KIF18B: variants seen among roughly 807,000 people sequenced by gnomAD.
KIF18B encodes the protein kinesin-like protein KIF18B.
A neutral mutation model predicts 80.9 loss-of-function variants in KIF18B; 49 were observed. That is an observed-to-expected ratio of 0.61 (90% CI 0.48 to 0.77). The LOEUF (loss-of-function observed/expected upper bound fraction) is 0.77. Ranked by LOEUF, KIF18B falls within the 30% of genes least tolerant of loss-of-function variation. The pLI is 0.00. For missense variants in KIF18B, 994 were observed against 1,127.7 expected, an observed-to-expected ratio of 0.88 and a Z score of 1.70; for synonymous variants, 439 against 463.9, an observed-to-expected ratio of 0.95 and a Z score of 0.69.
intron 1 of KIF18B, among the ~76,000 whole-genome samples, chr17:44,946,591 A>C (rs1037997230): frequency 5.3e-5 from 8 of 152,238 alleles, no homozygotes; most frequent in African/African-American, 1.9e-4. Flanking sequence ...GTAAGTGCTC[A>C]ATAGATATTA....
At chr17:44,939,675 T>C (rs1379282599) in intron 1 of KIF18B, among the ~76,000 whole-genome samples, 1 of 152,216 alleles carries the variant, frequency 6.6e-6, no homozygotes, top group Admixed American at 6.5e-5. Flanking sequence ...TAGGAACTGA[T>C]ATCTCTTTCC....
chr17:44,931,990 A>AT, intron 10 of KIF18B, 66 bp downstream of exon 10: 1 of 1,525,100 alleles, frequency 6.6e-7, no homozygotes. Flanking sequence ...GGGAGAGGCA[A>AT]TTTTTCCAAT....
chr17:44,928,575 G>C lies in KIF18B; in HGVS notation c.1727C>G (p.Pro576Arg). 1 of 1,449,308 alleles carries C rather than the reference G, an allele frequency of 6.9e-7. No individual in the cohort carries two copies. The highest frequency in any genetic ancestry group is 9.0e-7 in the Non-Finnish European group (1 of 1,108,128). The allele number at this position is 1,449,308 out of a possible 1,614,324, so 89.8% of individuals were successfully genotyped here. A position where few individuals can be genotyped will look rare whatever the true frequency, so the allele number is the denominator to read the frequency against. ...LAQELCSESI[P>R]VPSPLCPEPP... The stretch of plus-strand genomic sequence containing the variant: ...CTCTGGGCAGAGAGGAGACGGCACA[G>C]GGACTGCACAGAAGGAAGGAGAGTT... The change falls in exon 13 of 16, where the codon CCT (proline) becomes CGT (arginine). Residue 576 changes from proline to arginine, a missense_variant. Physicochemically the swap from Pro to Arg is moderately radical, Grantham distance 103. Coordinates refer to ENST00000593135, the MANE Select transcript of KIF18B (RefSeq NM_001265577.2).
intron 14 of KIF18B, 99 bp downstream of exon 14, chr17:44,926,890 G>A (rs2052039893): frequency 3.9e-6 from 4 of 1,030,366 alleles, no homozygotes; most frequent in Non-Finnish European, 5.9e-6. Context: ...CGGGGGTGTA[G>A]AGACAGAGAC....
rs570625419 is a variant in KIF18B at position 44,926,574 on chromosome 17, A to G, written c.2367-75T>C. On this transcript the variant is annotated intron_variant, in intron 14 of 15. Transcript: ENST00000593135. ...CTATGGGTGTGCATTGAAGTGGGGC[A>G]TATAAGTACTTGACACTAAGCCCTG... 315 of 1,378,930 alleles carry G rather than the reference A, an allele frequency of 2.3e-4. No homozygotes were observed. In the African/African-American group the frequency reaches 4.1e-3, roughly 18 times the overall value. The allele number at this position is 1,378,930 out of a possible 1,614,324, so 85.4% of individuals were successfully genotyped here.
chr17:44,928,364 G>A lies in KIF18B; in HGVS notation c.1938C>T (p.Gly646=), dbSNP rs759820172. Residue 646 remains glycine, a synonymous_variant, in exon 13 of 16, where the codon GGC becomes GGT. Transcript: ENST00000593135. ...EADSPMAPKR[G]TKRQRQSFLP... is the part of the protein sequence containing the mutation. The stretch of plus-strand genomic sequence containing the variant: ...GGAAGGACTGGCGCTGGCGCTTGGT[G>A]CCCCGCTTTGGGGCCATGGGACTGT... 6.3e-7 allele frequency: 1 copy of A among 1,594,112 alleles called. No homozygotes were observed. The highest frequency in any genetic ancestry group is 1.1e-5 in the South Asian group (1 of 88,564).
At chr17:44,942,253 G>A (rs893117421) in intron 1 of KIF18B, among the ~76,000 whole-genome samples, 2 of 152,228 alleles carry the variant, frequency 1.3e-5, no homozygotes, top group Non-Finnish European at 2.9e-5. Context: ...AAGATCTTCA[G>A]GATTCTCAGC....
Position 44,934,392 on chromosome 17 carries a change from G to A in KIF18B, c.726C>T (p.Thr242=). ...VKQQDRVPGL[T]QAVQVAKMSL... ...TCATCTTGGCCACCTGGACAGCCTG[G>A]GTCAGTCCTGGAACCCGGTCCTGCT... Residue 242 remains threonine (T), a synonymous_variant, in exon 6 of 16, where the codon ACC becomes ACT. Coordinates refer to ENST00000593135, the MANE Select transcript of KIF18B (RefSeq NM_001265577.2). This position sits in a 1 kb window ranked among gnomAD's most constrained non-coding sequence, Gnocchi z 5.4. 6.2e-7 allele frequency: 1 copy of A among 1,606,338 alleles called. No homozygotes were observed.
intron 1 of KIF18B, among the ~76,000 whole-genome samples, chr17:44,944,335 C>G (rs1452318953): frequency 6.6e-6 from 1 of 152,026 alleles, no homozygotes; most frequent in African/African-American, 2.4e-5. Flanking sequence ...CTCCGAGTCC[C>G]CGGTCCAAGC....
At chr17:44,947,264 T>C (rs946201054) in intron 1 of KIF18B, among the ~76,000 whole-genome samples, 4 of 152,014 alleles carry the variant, frequency 2.6e-5, no homozygotes, top group African/African-American at 9.7e-5. Flanking sequence ...AGTTGTAGCG[T>C]GCAGAAGAGC....
chr17:44,929,950 T>G (rs560890376), intron 11 of KIF18B, among the ~76,000 whole-genome samples: 1 of 152,290 alleles, frequency 6.6e-6, no homozygotes, highest in East Asian at 1.9e-4. Flanking sequence ...ACACCTATGA[T>G]AAAAGAATAA....
chr17:44,941,719 G>T (rs1321779680), intron 1 of KIF18B, among the ~76,000 whole-genome samples: 1 of 152,184 alleles, frequency 6.6e-6, no homozygotes, highest in Admixed American at 6.5e-5. Context: ...TGGCACCCGG[G>T]GAAGGGAAGG....
In KIF18B at chr17:44,925,769, A is replaced by AGACTCCATG. The variant is rs1480843536; in HGVS notation, c.*310_*311insCATGGAGTC. The AGACTCCATG allele has an allele frequency of 1.9e-5, 7 of 371,016 alleles. No homozygotes were observed. In the East Asian group the frequency reaches 4.8e-4, roughly 26 times the overall value. The allele number at this position is 371,016 out of a possible 1,614,324, so 23.0% of individuals were successfully genotyped here. A position where few individuals can be genotyped will look rare whatever the true frequency, so the allele number is the denominator to read the frequency against. On this transcript the variant is annotated 3_prime_UTR_variant, in exon 16 of 16. Transcript: ENST00000593135. ...GCACTCCAGCCTGGGCGACAGAGTA[A>AGACTCCATG]GACTCCATCTCAAAACAAAAAAAAC...
chr17:44,942,536 C>T (rs934527119), intron 1 of KIF18B, among the ~76,000 whole-genome samples: 3 of 152,174 alleles, frequency 2.0e-5, no homozygotes, highest in African/African-American at 7.2e-5. Flanking sequence ...AGCCCCTGGA[C>T]GTCCTATTTT....
At position 44,925,919 on chromosome 17, in the gene KIF18B, TG is replaced by T. The variant is rs2052014878; in HGVS notation, c.*160del. 12 of 685,474 alleles carry T rather than the reference TG, an allele frequency of 1.8e-5. No individual in the cohort carries two copies. The East Asian group carries it at 3.3e-4, about 19-fold the overall frequency. The allele number at this position is 685,474 out of a possible 1,614,324, so 42.5% of individuals were successfully genotyped here. ...GAGGGTGAGTAGCAGGATGGATGTC[TG>T]GGGAGGGATGTTAATACAGCAAAGG... On this transcript the variant is annotated 3_prime_UTR_variant, in exon 16 of 16. Coordinates refer to ENST00000593135, the MANE Select transcript of KIF18B (RefSeq NM_001265577.2).
chr17:44,932,115 C>T lies in KIF18B; in HGVS notation c.1330G>A (p.Gly444Arg), dbSNP rs2052166139. ...MEAQVERAME[G>R]NSSDQEQSPE... ...GACTGCTCCTGGTCTGAAGAGTTCC[C>T]TTCCATGGCCCTCTCCACCTGGGCC... Residue 444 changes from glycine (G) to arginine (R), a missense_variant, in exon 10 of 16, where the codon GGG (glycine) becomes AGG (arginine). Transcript: ENST00000593135. 2 of 1,613,822 alleles carry T rather than the reference C, an allele frequency of 1.2e-6. No individual in the cohort carries two copies. Among genetic ancestry groups the T allele is most frequent in the Admixed American group, 1.7e-5 (1 of 59,998 alleles).
chr17:44,928,650 C>A, intron 12 of KIF18B, 72 bp from the exon 13 acceptor site: 1 of 1,407,664 alleles, frequency 7.1e-7, no homozygotes, highest in South Asian at 1.5e-5. Context: ...GCCCATAACC[C>A]CTCAGGTCTC....
chr17:44,927,924 C>T lies in KIF18B; in HGVS notation c.2276+102G>A, dbSNP rs979415947. The T allele has an allele frequency of 9.3e-6, 10 of 1,070,020 alleles. No individual in the cohort carries two copies. The highest frequency in any genetic ancestry group is 3.2e-5 in the Admixed American group (1 of 30,930). 66.3% of individuals were successfully genotyped at this position (1,070,020 alleles called of 1,614,324 possible). On this transcript the variant is annotated intron_variant, in intron 13 of 15. Transcript: ENST00000593135. This position sits in a 1 kb window ranked among gnomAD's most constrained non-coding sequence, Gnocchi z 4.1. ...CAAAGTGGAACAGATAGGAACCGTC[C>T]CAGCTCCAAGGCTGTCCTCCATACT... is the stretch of plus-strand genomic sequence containing the variant.
chr17:44,930,750 C>T (rs2052127822), intron 11 of KIF18B, among the ~76,000 whole-genome samples: 1 of 152,128 alleles, frequency 6.6e-6, no homozygotes, highest in African/African-American at 2.4e-5. Flanking sequence ...AGCAGAGGGG[C>T]CCTGGGTCAT....
Sources: allele counts gnomAD v4.1 joint callset (sites outside exome capture counted in the v4.1 genomes callset), GRCh38; gene constraint gnomAD v4.1.1; non-coding constraint Gnocchi (gnomAD v3.1); transcripts MANE v1.5; gene names NCBI Gene and HGNC (gene_info 2026-07-23, HGNC 2026-07-21).